Variants in SPTLC3 observed in about 807,000 individuals in gnomAD.
The protein encoded by SPTLC3 is serine palmitoyltransferase long chain base subunit 3, also known as serine palmitoyltransferase 3.
In SPTLC3, 36 loss-of-function variants were observed where a neutral mutation model predicts 59.3. The ratio of observed to expected loss-of-function variants is 0.61; its 90% confidence interval spans 0.47 to 0.80. SPTLC3 has a LOEUF of 0.80. Among genes scored for constraint, SPTLC3 ranks in the 30% least tolerant of loss-of-function variants. SPTLC3 has a pLI of 0.00. For missense variants in SPTLC3, 625 were observed against 685.1 expected (o/e 0.91, Z 0.98); for synonymous variants, 257 against 240.8 (o/e 1.07, Z -0.62).
At chr20:13,009,459 C>A in intron 1 of SPTLC3, 75 bp downstream of exon 1, 3 of 1,322,352 alleles carry the variant, frequency 2.3e-6, no homozygotes, top group South Asian at 2.5e-5. Context: ...ATATTTGAGG[C>A]TGTCCTAACT....
intron 3 of SPTLC3, 192 bp from the exon 4 acceptor site, chr20:13,074,157 G>A: frequency 1.2e-6 from 1 of 800,164 alleles, no homozygotes; most frequent in Non-Finnish European, 2.2e-6. Context: ...TCCTCCGAGG[G>A]AAACCAACCT....
chr20:13,110,509 GC>G (rs900466803), intron 7 of SPTLC3, among the ~76,000 whole-genome samples: 1 of 152,110 alleles, frequency 6.6e-6, no homozygotes, highest in African/African-American at 2.4e-5. Context: ...ACCTTTGACT[GC>G]CCCAGAGTTT....
chr20:13,125,311 A>T (rs1482973056), intron 8 of SPTLC3, among the ~76,000 whole-genome samples: 1 of 152,206 alleles, frequency 6.6e-6, no homozygotes, highest in Non-Finnish European at 1.5e-5. Context: ...GTGGCTCAGC[A>T]TTCCAAAGAG....
Position 13,074,420 on chromosome 20 carries a change from A to T in SPTLC3, c.530A>T (p.Tyr177Phe). The T allele has an allele frequency of 6.2e-6, 10 of 1,614,138 alleles. No individual in the cohort carries two copies. The highest frequency in any genetic ancestry group is 7.6e-6 in the Non-Finnish European group (9 of 1,179,976). ...AACTTCCTTGGTCTTGCAGCCAAGT[A>T]TGATGAGTCTATGAGGACAATAAAG... ...SYNFLGLAAKYDESMRTIKDV... is the reference protein window; with the variant it reads ...SYNFLGLAAKFDESMRTIKDV... Residue 177 changes from tyrosine (Y) to phenylalanine (F), a missense_variant, in exon 4 of 12, where the codon TAT becomes TTT. Coordinates refer to ENST00000399002, the MANE Select transcript of SPTLC3 (RefSeq NM_018327.4).
intron 4 of SPTLC3, among the ~76,000 whole-genome samples, chr20:13,075,249 A>T (rs562235151): frequency 1.5e-4 from 23 of 152,232 alleles, no homozygotes; most frequent in Middle Eastern, 3.4e-3. Context: ...TAAATAACCA[A>T]CCTAATTCCC....
At chr20:13,026,150 C>CCATGTCTTT (rs1986135232) in intron 1 of SPTLC3, among the ~76,000 whole-genome samples, 1 of 152,112 alleles carries the variant, frequency 6.6e-6, no homozygotes, top group Non-Finnish European at 1.5e-5. Context: ...TAGGTTGATT[C>CCATGTCTTT]CATGTCTTTG....
intron 6 of SPTLC3, among the ~76,000 whole-genome samples, chr20:13,094,000 C>T (rs1392415970): frequency 6.6e-6 from 1 of 152,148 alleles, no homozygotes; most frequent in African/African-American, 2.4e-5. Flanking sequence ...TTTGCCCACC[C>T]ACAGATGCTC....
intron 11 of SPTLC3, among the ~76,000 whole-genome samples, chr20:13,163,709 G>A (rs1056555999): frequency 6.6e-6 from 1 of 151,834 alleles, no homozygotes; most frequent in Non-Finnish European, 1.5e-5. Flanking sequence ...ATTTCCCAAA[G>A]AGGAAAGTCC....
chr20:13,064,751 G>A (rs1396518615), intron 2 of SPTLC3, among the ~76,000 whole-genome samples: 3 of 152,078 alleles, frequency 2.0e-5, no homozygotes, highest in African/African-American at 7.2e-5. Context: ...GAAAAAACTG[G>A]CCATTTTCAT....
At chr20:13,057,061 T>C (rs953085560) in intron 2 of SPTLC3, among the ~76,000 whole-genome samples, 3 of 152,186 alleles carry the variant, frequency 2.0e-5, no homozygotes, top group Non-Finnish European at 2.9e-5. Flanking sequence ...TTTAATACCA[T>C]CCCCAGTCCT....
intron 7 of SPTLC3, among the ~76,000 whole-genome samples, chr20:13,114,742 C>T (rs1278615607): frequency 1.3e-5 from 2 of 152,052 alleles, no homozygotes; most frequent in African/African-American, 4.8e-5. Context: ...CTCTTTCCAC[C>T]TTGCTTTCTT....
At position 13,088,853 on chromosome 20, in the gene SPTLC3, A is replaced by G. The variant is rs62203589; in HGVS notation, c.608-2230A>G. Among the ~76,000 whole-genome samples, 46 of 127,300 alleles carry G rather than the reference A, an allele frequency of 3.6e-4. No homozygotes were observed. The East Asian group carries it at 0.011, about 29-fold the overall frequency. The allele number at this position is 127,300 out of a possible 152,430, so 83.5% of individuals were successfully genotyped here. The stretch of plus-strand genomic sequence containing the variant: ...CCCATGTTGGCCAGGCTGGTCTTGA[A>G]CTCCTGACCTTAGGTAATCTGCCCG... On this transcript the variant is annotated intron_variant, in intron 4 of 11. Coordinates refer to ENST00000399002, the MANE Select transcript of SPTLC3 (RefSeq NM_018327.4).
intron 1 of SPTLC3, among the ~76,000 whole-genome samples, chr20:13,011,649 G>A (rs1207985458): frequency 2.6e-5 from 4 of 152,138 alleles, no homozygotes; most frequent in African/African-American, 9.7e-5. Context: ...CCAGTCTCAA[G>A]GCTGGCAAGG....
intron 11 of SPTLC3, 21 bp downstream of exon 11, chr20:13,160,153 C>T (rs759141880): frequency 9.3e-6 from 15 of 1,608,962 alleles, no homozygotes; most frequent in South Asian, 6.6e-5. Context: ...CACAGGCCAA[C>T]GGGATCTCAG....
intron 4 of SPTLC3, among the ~76,000 whole-genome samples, chr20:13,090,653 A>T (rs1463585939): frequency 6.6e-6 from 1 of 152,228 alleles, no homozygotes; most frequent in African/African-American, 2.4e-5. Context: ...GAACATTCAG[A>T]GAATCTAAAA....
At chr20:13,092,288 A>G (rs1291033721) in intron 5 of SPTLC3, among the ~76,000 whole-genome samples, 2 of 152,276 alleles carry the variant, frequency 1.3e-5, no homozygotes, top group Admixed American at 1.3e-4. Flanking sequence ...AATGACAATC[A>G]TGCTGGTGTT....
intron 1 of SPTLC3, among the ~76,000 whole-genome samples, chr20:13,039,498 A>T (rs996516023): frequency 3.3e-5 from 5 of 152,016 alleles, no homozygotes; most frequent in Non-Finnish European, 5.9e-5. Context: ...ACTTGTTTGC[A>T]TCTCTGAATC....
chr20:13,115,790 T>C (rs898169426), intron 7 of SPTLC3, among the ~76,000 whole-genome samples: 2 of 152,096 alleles, frequency 1.3e-5, no homozygotes, highest in Admixed American at 1.3e-4. Flanking sequence ...ATGGATCAGG[T>C]AGTTTACAAG....
chr20:13,039,151 A>G (rs1266945487), intron 1 of SPTLC3, among the ~76,000 whole-genome samples: 1 of 151,940 alleles, frequency 6.6e-6, no homozygotes, highest in Non-Finnish European at 1.5e-5. Context: ...GGTTTATACT[A>G]TTGTTCAAGT....
Sources: allele counts gnomAD v4.1 joint callset (sites outside exome capture counted in the v4.1 genomes callset), GRCh38; gene constraint gnomAD v4.1.1; transcripts MANE v1.5; gene names NCBI Gene and HGNC (gene_info 2026-07-23, HGNC 2026-07-21).